Variants in EBF4 observed in about 807,000 individuals in gnomAD.
EBF4 encodes the protein EBF transcription factor 4, also known as transcription factor COE4.
Under a neutral mutation model 67.1 loss-of-function variants are expected in EBF4, and 34 were observed. The ratio of observed to expected loss-of-function variants is 0.51; its 90% CI spans 0.39 to 0.67. EBF4 has a LOEUF of 0.67. EBF4 is among the 30% of genes least tolerant of loss of function. The pLI is 0.00. For missense variants in EBF4, 837 were observed against 873.3 expected (o/e 0.96, Z 0.52); for synonymous variants, 387 against 377.7 (o/e 1.02, Z -0.29).
intron 1 of EBF4, among the ~76,000 whole-genome samples, chr20:2,704,363 T>C (rs546784858): frequency 1.3e-5 from 2 of 152,264 alleles, no homozygotes; most frequent in African/African-American, 2.4e-5. Flanking sequence ...TCTGGAGCCA[T>C]GAGAGATCTA....
At chr20:2,708,183 G>A (rs946690990) in intron 5 of EBF4, among the ~76,000 whole-genome samples, 163 bp downstream of exon 5, 2 of 152,206 alleles carry the variant, frequency 1.3e-5, no homozygotes, top group African/African-American at 4.8e-5. Flanking sequence ...AGGCCCCTGG[G>A]CACAGCGCTG....
rs2005403 is a variant in EBF4 at position 2,738,005 on chromosome 20, G to A, written c.558-10544G>A. Reference sequence around the variant, plus strand: ...AGTTCAGTGGGAACCAAGGAGGAACGTCCTGCCTCCAGAACCAGAGCCCAC... The same window carrying A: ...AGTTCAGTGGGAACCAAGGAGGAACATCCTGCCTCCAGAACCAGAGCCCAC... On this transcript the variant is annotated intron_variant, in intron 6 of 16. Transcript: ENST00000609451. 7.8e-3 allele frequency among the ~76,000 whole-genome samples: 1,186 copies of A among 151,652 alleles called. 15 individuals are homozygous for A. The highest frequency in any genetic ancestry group is 0.027 in the African/African-American group (1,124 of 41,338).
In EBF4 at chr20:2,755,942, T is replaced by C; in HGVS notation, c.1738+118T>C. 9.4e-7 allele frequency: 1 copy of C among 1,061,176 alleles called. No individual in the cohort carries two copies. Among genetic ancestry groups the C allele is most frequent in the Non-Finnish European group, 1.3e-6 (1 of 753,704 alleles). 65.7% of individuals were successfully genotyped at this position (1,061,176 alleles called of 1,614,324 possible). A position where few individuals can be genotyped will look rare whatever the true frequency, so the allele number is the denominator to read the frequency against. On this transcript the variant is annotated intron_variant, in intron 15 of 16. Transcript: ENST00000609451. The surrounding 1 kb of genome is among the most constrained non-coding windows in gnomAD (Gnocchi z 4.7). Reference sequence around the variant, plus strand: ...GTGCCTCATGCTGGCTAACCTGCTCTTCTTGGAGGACGGAGAGCAGGGAGC... The same window carrying C: ...GTGCCTCATGCTGGCTAACCTGCTCCTCTTGGAGGACGGAGAGCAGGGAGC...
In EBF4 at chr20:2,752,496, TG is replaced by T. The variant is rs2146508213; in HGVS notation, c.1494del (p.Ser499ProfsTer48). The stretch of plus-strand genomic sequence containing the variant: ...CGGGCGTGGCCGGCCTCGGCGTGCC[TG>T]GGTCCCCCAGCTTCCTCAATGGCTC... On this transcript the variant is annotated frameshift_variant, in exon 14 of 17. Coordinates refer to ENST00000609451, the Ensembl canonical transcript of EBF4. LOFTEE classifies it high-confidence loss of function. 7.9e-7 allele frequency: 1 copy of T among 1,258,904 alleles called. No homozygotes were observed. 78.0% of individuals were successfully genotyped at this position (1,258,904 alleles called of 1,614,324 possible). A position where few individuals can be genotyped will look rare whatever the true frequency, so the allele number is the denominator to read the frequency against.
In EBF4 at chr20:2,755,865, G is replaced by A. The variant is rs1489674967; in HGVS notation, c.1738+41G>A. 3 of 1,524,184 alleles carry A rather than the reference G, an allele frequency of 2.0e-6. No individual in the cohort carries two copies. In the Admixed American group the frequency reaches 6.0e-5, roughly 30 times the overall value. 94.4% of individuals were successfully genotyped at this position (1,524,184 alleles called of 1,614,324 possible). ...TGCCTCACTGTGGCAGGAAGGAAGG[G>A]CCCTTGTGGAGCAGCTGGGCTACAG... On this transcript the variant is annotated intron_variant, in intron 15 of 16. Coordinates refer to ENST00000609451, the Ensembl canonical transcript of EBF4. This position sits in a 1 kb window ranked among gnomAD's most constrained non-coding sequence, Gnocchi z 4.7.
exon 13 of EBF4, chr20:2,752,244 C>T: frequency 7.7e-7 from 1 of 1,303,866 alleles, no homozygotes; most frequent in Non-Finnish European, 9.7e-7. Flanking sequence ...TCGGGGACGC[C>T]ACCCCGGGGC....
intron 6 of EBF4, among the ~76,000 whole-genome samples, chr20:2,713,119 C>T (rs1216878608): frequency 1.3e-5 from 2 of 152,130 alleles, no homozygotes; most frequent in African/African-American, 4.8e-5. Flanking sequence ...AGAAAAAATA[C>T]AGCTTGCTCA....
intron 1 of EBF4, among the ~76,000 whole-genome samples, chr20:2,700,330 C>T (rs2087355903): frequency 6.6e-6 from 1 of 152,148 alleles, no homozygotes. Context: ...TCTCGGGGAA[C>T]CCAAATAAAA....
At chr20:2,748,742 A>C in intron 7 of EBF4, 112 bp downstream of exon 7, 2 of 1,258,144 alleles carry the variant, frequency 1.6e-6, no homozygotes, top group Non-Finnish European at 2.2e-6. Flanking sequence ...CCTCCAAGGC[A>C]GATCTCTGCC....
At chr20:2,750,269 C>T (rs372047022) in intron 10 of EBF4, among the ~76,000 whole-genome samples, 1 of 152,174 alleles carries the variant, frequency 6.6e-6, no homozygotes, top group African/African-American at 2.4e-5. Flanking sequence ...ACCTCCTGAA[C>T]ATTGTGTCTC....
rs1460165648 is a variant in EBF4 at position 2,759,001 on chromosome 20, G to A, written c.*5+17G>A. The A allele has an allele frequency of 6.4e-7, 1 of 1,551,022 alleles. No homozygotes were observed. The highest frequency in any genetic ancestry group is 1.2e-5 in the South Asian group (1 of 84,028). On this transcript the variant is annotated intron_variant, in intron 16 of 16. Coordinates refer to ENST00000609451, the Ensembl canonical transcript of EBF4. ...CTAATTACGGTAGGTCTCTGGCTGG[G>A]TCTGGCCTCCCCCGCCCCACCTGGC...
chr20:2,720,424 A>G (rs8117087), intron 6 of EBF4, among the ~76,000 whole-genome samples: 54,377 of 150,990 alleles, frequency 0.36, 11,446 homozygotes, highest in African/African-American at 0.59. Context: ...CTTTTTCTTC[A>G]TTTTTTTTCC....
At chr20:2,703,879 G>A (rs998968765) in intron 1 of EBF4, among the ~76,000 whole-genome samples, 13 of 152,152 alleles carry the variant, frequency 8.5e-5, no homozygotes, top group African/African-American at 1.9e-4. Context: ...GGCCGCAGTC[G>A]TCTGAAGGAT....
intron 6 of EBF4, among the ~76,000 whole-genome samples, chr20:2,729,871 G>A (rs2087791248): frequency 6.6e-6 from 1 of 152,236 alleles, no homozygotes; most frequent in Non-Finnish European, 1.5e-5. Context: ...GAAGGAAGCA[G>A]GAGGAGGCAG....
chr20:2,700,417 T>G (rs532791191), intron 1 of EBF4, among the ~76,000 whole-genome samples: 4 of 151,862 alleles, frequency 2.6e-5, no homozygotes, highest in Non-Finnish European at 5.9e-5. Flanking sequence ...AGGATACATA[T>G]CAAAAGACAT....
chr20:2,695,103 A>G (rs771088763), intron 1 of EBF4, among the ~76,000 whole-genome samples: 2 of 143,782 alleles, frequency 1.4e-5, no homozygotes, highest in Non-Finnish European at 3.0e-5. Context: ...CCTCCTGCCT[A>G]TTCTTCTGTT....
intron 6 of EBF4, among the ~76,000 whole-genome samples, chr20:2,709,913 G>A (rs1406490147): frequency 6.6e-6 from 1 of 152,028 alleles, no homozygotes; most frequent in African/African-American, 2.4e-5. Context: ...GGTTGAGAGG[G>A]GGGTGGGAAG....
chr20:2,749,436 C>T (rs985411829), exon 8 of EBF4: 2 of 1,547,328 alleles, frequency 1.3e-6, no homozygotes, highest in East Asian at 2.5e-5. Flanking sequence ...TGGACGGACA[C>T]GTGCTGGCCG....
chr20:2,759,116 G>A (rs935697772), intron 16 of EBF4, 132 bp downstream of exon 16: 2 of 895,442 alleles, frequency 2.2e-6, no homozygotes, highest in African/African-American at 3.4e-5. Flanking sequence ...TGGGGTCCAA[G>A]TCTTCCTCCC....
Sources: allele counts gnomAD v4.1 joint callset (sites outside exome capture counted in the v4.1 genomes callset), GRCh38; gene constraint gnomAD v4.1.1; non-coding constraint Gnocchi (gnomAD v3.1); transcripts MANE v1.5; gene names NCBI Gene and HGNC (gene_info 2026-07-23, HGNC 2026-07-21).